TASP1: variants seen among roughly 807,000 people sequenced by gnomAD.
TASP1 encodes threonine aspartase 1.
In TASP1, 16 loss-of-function variants were observed where a neutral mutation model predicts 56.6. The ratio of observed to expected loss-of-function variants is 0.28; its 90% CI spans 0.19 to 0.43. TASP1 has a LOEUF of 0.43. TASP1 is among the 20% of genes least tolerant of loss of function. The pLI is 1.00. For missense variants in TASP1, 393 were observed against 511.6 expected (o/e 0.77, Z 2.24); for synonymous variants, 179 against 184.2 (o/e 0.97, Z 0.23).
the TASP1 span, among the ~76,000 whole-genome samples, chr20:13,113,667 A>G: frequency 1.3e-5 from 2 of 152,226 alleles, no homozygotes; most frequent in East Asian, 1.9e-4. Context: ...TGTGGCCTCC[A>G]TAGGGTACTT....
the TASP1 span, among the ~76,000 whole-genome samples, chr20:13,227,631 C>T: frequency 2.6e-5 from 4 of 151,630 alleles, no homozygotes; most frequent in Non-Finnish European, 5.9e-5. Flanking sequence ...GCTTCAGCCT[C>T]CCGGGTAGCT....
intron 13 of TASP1, among the ~76,000 whole-genome samples, chr20:13,411,955 C>G (rs1191264692): frequency 6.6e-6 from 1 of 152,212 alleles, no homozygotes; most frequent in African/African-American, 2.4e-5. Flanking sequence ...TTGCTTTAAT[C>G]CAGCCTTCTG....
At chr20:13,157,924 T>C in the TASP1 span, among the ~76,000 whole-genome samples, 1 of 152,234 alleles carries the variant, frequency 6.6e-6, no homozygotes, top group Non-Finnish European at 1.5e-5. Context: ...TGGTGATCTC[T>C]CCACATTTCC....
At chr20:13,149,430 A>C in the TASP1 span, among the ~76,000 whole-genome samples, 2 of 152,264 alleles carry the variant, frequency 1.3e-5, no homozygotes, top group East Asian at 3.8e-4. Context: ...CATCCTGTTT[A>C]GATGAGTAGC....
At chr20:13,424,356 G>A (rs1202583653) in intron 12 of TASP1, among the ~76,000 whole-genome samples, 1 of 152,094 alleles carries the variant, frequency 6.6e-6, no homozygotes, top group Non-Finnish European at 1.5e-5. Flanking sequence ...AGTGATATCT[G>A]GAAGTCTATA....
the TASP1 span, among the ~76,000 whole-genome samples, chr20:13,358,662 C>T: frequency 6.8e-6 from 1 of 147,340 alleles, no homozygotes; most frequent in Non-Finnish European, 1.5e-5. Context: ...ACTGGGAAGG[C>T]AGCCTTCCCT....
At chr20:13,627,193 C>A (rs1431074982) in intron 2 of TASP1, among the ~76,000 whole-genome samples, 1 of 152,122 alleles carries the variant, frequency 6.6e-6, no homozygotes, top group African/African-American at 2.4e-5. Context: ...AATCAAGAAT[C>A]TACTACATGA....
chr20:13,357,559 G>A, the TASP1 span, among the ~76,000 whole-genome samples: 3 of 152,234 alleles, frequency 2.0e-5, no homozygotes, highest in East Asian at 3.9e-4. Context: ...AAAAATGGAA[G>A]ATCAATTACT....
the TASP1 span, among the ~76,000 whole-genome samples, chr20:13,356,598 G>A: frequency 6.6e-6 from 1 of 152,158 alleles, no homozygotes; most frequent in Non-Finnish European, 1.5e-5. Flanking sequence ...CAGGCCAACA[G>A]ATTGCTCCAT....
At chr20:13,288,808 G>A in the TASP1 span, 43 of 969,596 alleles carry the variant, frequency 4.4e-5, no homozygotes, top group Admixed American at 1.0e-4. Context: ...TTTTTGAGAC[G>A]GAGTCTCTCC....
At chr20:13,449,538 T>C (rs1330120724) in intron 11 of TASP1, among the ~76,000 whole-genome samples, 1 of 152,126 alleles carries the variant, frequency 6.6e-6, no homozygotes, top group Non-Finnish European at 1.5e-5. Context: ...ACTTTGTTTT[T>C]AAGTAAGTAA....
intron 12 of TASP1, among the ~76,000 whole-genome samples, chr20:13,420,616 T>G (rs2042401764): frequency 6.6e-6 from 1 of 152,250 alleles, no homozygotes; most frequent in South Asian, 2.1e-4. Flanking sequence ...TTGTAGTACA[T>G]GCATAATGCA....
chr20:13,391,695 T>C (rs111675725), intron 13 of TASP1, among the ~76,000 whole-genome samples: 1,540 of 152,090 alleles, frequency 0.01, 25 homozygotes, highest in African/African-American at 0.034. Flanking sequence ...AGGCCGGGCG[T>C]GGTGGCTCAC....
At chr20:13,469,749 A>C (rs2044402621) in intron 11 of TASP1, among the ~76,000 whole-genome samples, 2 of 145,382 alleles carry the variant, frequency 1.4e-5, no homozygotes, top group Non-Finnish European at 3.0e-5. Flanking sequence ...ATACAGACGA[A>C]CTATTTATTT....
chr20:13,493,745 T>A (rs2043624356), intron 10 of TASP1, among the ~76,000 whole-genome samples: 1 of 152,170 alleles, frequency 6.6e-6, no homozygotes, highest in Admixed American at 6.6e-5. Context: ...TTCATATACA[T>A]AAATATCCTA....
At chr20:13,375,665 T>A in the TASP1 span, among the ~76,000 whole-genome samples, 1 of 152,248 alleles carries the variant, frequency 6.6e-6, no homozygotes, top group Admixed American at 6.5e-5. Flanking sequence ...CCACACTGTA[T>A]TCCACAATGT....
At chr20:13,131,035 G>A in the TASP1 span, among the ~76,000 whole-genome samples, 1 of 152,116 alleles carries the variant, frequency 6.6e-6, no homozygotes. Flanking sequence ...AGTTACTTTT[G>A]GAAAGGTCTA....
chr20:13,605,329 T>C (rs1016022883), intron 4 of TASP1, among the ~76,000 whole-genome samples: 1 of 152,194 alleles, frequency 6.6e-6, no homozygotes, highest in Non-Finnish European at 1.5e-5. Flanking sequence ...TTGTTGCATG[T>C]AAATTATACT....
At chr20:13,432,966 G>C (rs2042863894) in intron 12 of TASP1, among the ~76,000 whole-genome samples, 1 of 151,964 alleles carries the variant, frequency 6.6e-6, no homozygotes, top group Non-Finnish European at 1.5e-5. Context: ...TTATTCTTCT[G>C]AGGTTTTTTG....
Sources: allele counts gnomAD v4.1 joint callset (sites outside exome capture counted in the v4.1 genomes callset), GRCh38; gene constraint gnomAD v4.1.1; transcripts MANE v1.5; gene names NCBI Gene and HGNC (gene_info 2026-07-23, HGNC 2026-07-21).